Variants in COMT observed in about 807,000 individuals in gnomAD.
COMT encodes the protein catechol O-methyltransferase.
A neutral mutation model predicts 18.9 loss-of-function variants in COMT; 13 were observed. That is an observed-to-expected ratio of 0.69 (90% CI 0.45 to 1.09). The LOEUF (loss-of-function observed/expected upper bound fraction) is 1.09, where lower values mean the gene tolerates loss of function less well. Among genes scored for constraint, COMT ranks in the 50% least tolerant of loss-of-function variants. The pLI, the probability that COMT is intolerant of heterozygous loss-of-function variation, is 0.00. For synonymous variants in COMT, 150 were observed against 160.9 expected (o/e 0.93, Z 0.51); for missense variants, 329 against 361.8 (o/e 0.91, Z 0.73).
intron 1 of COMT, among the ~76,000 whole-genome samples, chr22:19,958,996 A>T (rs1369310155): frequency 1.3e-5 from 2 of 152,164 alleles, no homozygotes; most frequent in Non-Finnish European, 2.9e-5. Context: ...GGGGCATTCA[A>T]AACTGTCTTT....
intron 4 of COMT, 49 bp from the exon 5 acceptor site, chr22:19,964,119 G>C (rs376721753): frequency 6.2e-7 from 1 of 1,613,802 alleles, no homozygotes; most frequent in Non-Finnish European, 8.5e-7. Flanking sequence ...GGTGTGTAGG[G>C]ATGGCCTCCT....
chr22:19,964,897 C>A (rs186688131), intron 5 of COMT: 95 of 222,002 alleles, frequency 4.3e-4, no homozygotes, highest in African/African-American at 1.8e-3. Flanking sequence ...GACACACTGC[C>A]CCATCCCTCC....
chr22:19,967,411 A>G (rs1428310921), intron 5 of COMT: 2 of 472,026 alleles, frequency 4.2e-6, no homozygotes, highest in Non-Finnish European at 8.7e-6. Context: ...TTTTTTCTAA[A>G]TGAAAACACA....
rs1429174414 is a variant in COMT, at chr22:19,941,793, A to G, written c.-196A>G. 9 of 1,528,764 alleles carry G rather than the reference A, an allele frequency of 5.9e-6. No homozygotes were observed. The highest frequency in any genetic ancestry group is 2.6e-5 in the East Asian group (1 of 37,740). 94.7% of individuals were successfully genotyped at this position (1,528,764 alleles called of 1,614,324 possible). Reference sequence around the variant, plus strand: ...TCCTAATCCCCGCAGCGCCACCGCCATTGCCGCCATCGTCGTGGGGCTTCT... The same window carrying G: ...TCCTAATCCCCGCAGCGCCACCGCCGTTGCCGCCATCGTCGTGGGGCTTCT... On this transcript the variant is annotated 5_prime_UTR_variant, in exon 1 of 6. Coordinates refer to ENST00000361682, the MANE Select transcript of COMT (RefSeq NM_000754.4).
At chr22:19,946,910 G>GTTTTTTTTTTTTTTTTTTTTTTTTTTT (rs35689277) in intron 1 of COMT, among the ~76,000 whole-genome samples, 2 of 117,120 alleles carry the variant, frequency 1.7e-5, no homozygotes, top group Non-Finnish European at 1.7e-5. Flanking sequence ...TTTTTTTTTA[G>GTTTTTTTTTTTTTTTTTTTTTTTTTTT]TTTTTTTTTT....
rs757861911 is a variant in COMT at position 19,963,665 on chromosome 22, T to G, written c.389T>G (p.Leu130Arg). 1 of 1,612,916 alleles carries G rather than the reference T, an allele frequency of 6.2e-7. No homozygotes were observed. The highest frequency in any genetic ancestry group is 1.1e-5 in the South Asian group (1 of 91,090). The change falls in exon 4 of 6, where the codon CTG becomes CGG. Residue 130 changes from leucine (L) to arginine (R), a missense_variant. Physicochemically the swap from Leu to Arg is moderately radical, Grantham distance 102. Transcript: ENST00000361682. ...GYSAVRMARL[L>R]SPGARLITIE... ...TCAGCTGTGCGCATGGCCCGCCTGC[T>G]GTCACCAGGGGCGAGGCTCATCACC...
At position 19,964,238 on chromosome 22, in the gene COMT, T is replaced by C. The variant is rs777226221; in HGVS notation, c.554T>C (p.Leu185Pro). The C allele has an allele frequency of 8.1e-6, 13 of 1,614,002 alleles. No homozygotes were observed. The highest frequency in any genetic ancestry group is 1.1e-5 in the Non-Finnish European group (13 of 1,180,038). Residue 185 changes from leucine (L) to proline (P), a missense_variant, in exon 5 of 6, where the codon CTG becomes CCG. Physicochemically the swap from Leu to Pro is moderately conservative, Grantham distance 98 (BLOSUM62 -3). Transcript: ENST00000361682. ...QLKKKYDVDT[L>P]DMVFLDHWKD... is the part of the protein sequence containing the mutation. ...AAGAAGAAGTATGATGTGGACACAC[T>C]GGACATGGTCTTCCTCGACCACTGG...
intron 1 of COMT, among the ~76,000 whole-genome samples, chr22:19,952,953 AAAATAAATAAATAAAT>A (rs368190455): frequency 0.051 from 7,118 of 139,622 alleles, 450 homozygotes; most frequent in African/African-American, 0.15. Context: ...CCCGTCTCAA[AAAATAAATAAATAAAT>A]AAATAAATAA....
rs772965142 is a variant in COMT, at chr22:19,964,215, G to A, written c.531G>A (p.Lys177=). 2.5e-6 allele frequency: 4 copies of A among 1,614,144 alleles called. No homozygotes were observed. Among genetic ancestry groups the A allele is most frequent in the Non-Finnish European group, 2.5e-6 (3 of 1,180,014 alleles). ...GASQDIIPQL[K]KKYDVDTLDM... ...CCCAGGACATCATCCCCCAGCTGAA[G>A]AAGAAGTATGATGTGGACACACTGG... Residue 177 remains lysine (K), a synonymous_variant, in exon 5 of 6, where the codon AAG becomes AAA. Transcript: ENST00000361682.
intron 4 of COMT, 194 bp from the exon 5 acceptor site, chr22:19,963,974 G>GC: frequency 8.1e-7 from 1 of 1,237,988 alleles, no homozygotes; most frequent in South Asian, 1.3e-5. Flanking sequence ...TGCCAAGGTG[G>GC]CACCAGGAGG....
rs566681525 is a variant in COMT, at chr22:19,963,607, G to A, written c.331G>A (p.Val111Met). Residue 111 changes from valine (V) to methionine (M), a missense_variant, in exon 4 of 6, where the codon GTG (valine) becomes ATG (methionine). Physicochemically the swap from Val to Met is conservative, Grantham distance 21. Transcript: ENST00000361682. ...DAVIQEHQPS[V>M]LLELGAYCGY... ...CGTGATTCAGGAGCACCAGCCCTCC[G>A]TGCTGCTGGAGCTGGGGGCCTACTG... 148 of 1,612,950 alleles carry A rather than the reference G, an allele frequency of 9.2e-5. No homozygotes were observed. Among genetic ancestry groups the A allele is most frequent in the East Asian group, 6.7e-5 (3 of 44,874 alleles).
Position 19,941,877 on chromosome 22 carries a change from G to T in COMT, c.-112G>T. 2.2e-6 allele frequency: 3 copies of T among 1,387,344 alleles called. No homozygotes were observed. Among genetic ancestry groups the T allele is most frequent in the South Asian group, 1.6e-5 (1 of 63,674 alleles). The allele number at this position is 1,387,344 out of a possible 1,614,324, so 85.9% of individuals were successfully genotyped here. On this transcript the variant is annotated 5_prime_UTR_variant, in exon 1 of 6. Transcript: ENST00000361682. The stretch of plus-strand genomic sequence containing the variant: ...GCCGGACCGGGGCGGGTCCAGTCCC[G>T]GGCGGGCCGTCGCGGGAGAGGTGAG...
chr22:19,959,280 A>G (rs1942135299), intron 1 of COMT, among the ~76,000 whole-genome samples: 1 of 152,240 alleles, frequency 6.6e-6, no homozygotes, highest in Non-Finnish European at 1.5e-5. Context: ...TCGGCTTTTC[A>G]GGACCCGCCC....
rs1318512993 is a variant in COMT at position 19,968,582 on chromosome 22, T to A, written c.662T>A (p.Val221Glu). 6.2e-7 allele frequency: 1 copy of A among 1,613,856 alleles called. No homozygotes were observed. Among genetic ancestry groups the A allele is most frequent in the African/African-American group, 1.3e-5 (1 of 74,894 alleles). ...GGGACAGTGCTACTGGCTGACAACG[T>A]GATCTGCCCAGGTGCGCCAGACTTC... is the stretch of plus-strand genomic sequence containing the variant. ...RKGTVLLADN[V>E]ICPGAPDFLA... Residue 221 changes from valine (V) to glutamate (E), a missense_variant, in exon 6 of 6, where the codon GTG becomes GAG. Physicochemically the swap from Val to Glu is moderately radical, Grantham distance 121 (BLOSUM62 -2). Transcript: ENST00000361682.
chr22:19,966,853 G>T, intron 5 of COMT: 1 of 784,558 alleles, frequency 1.3e-6, no homozygotes, highest in Non-Finnish European at 1.5e-6. Flanking sequence ...CTCTTGAAGG[G>T]AGGAGAGTCT....
intron 1 of COMT, among the ~76,000 whole-genome samples, chr22:19,956,137 C>CCTTTTTTTTTTTTTTTTTTTTT: frequency 1.2e-5 from 1 of 84,816 alleles, no homozygotes; most frequent in Non-Finnish European, 2.1e-5. Flanking sequence ...TTCTTTTTTT[C>CCTTTTTTTTTTTTTTTTTTTTT]TTTTTTTTTT....
rs754436726 is a variant in COMT, at chr22:19,964,142, G to A, written c.484-26G>A. On this transcript the variant is annotated intron_variant, in intron 4 of 5. Transcript: ENST00000361682. ...GGGATGGCCTCCTGTCTGTGAGGAC[G>A]TGGGCACTGACAGGCGCTGTTCCAG... 4.0e-5 allele frequency: 64 copies of A among 1,613,862 alleles called. No homozygotes were observed. The highest frequency in any genetic ancestry group is 1.6e-4 in the Middle Eastern group (1 of 6,084).
rs890039110 is a variant in COMT, at chr22:19,959,279, C to T, written c.-91-1920C>T. Among the ~76,000 whole-genome samples, 9 of 152,248 alleles carry T rather than the reference C, an allele frequency of 5.9e-5. 1 individual carries two copies. The South Asian group carries it at 6.2e-4, about 10-fold the overall frequency. On this transcript the variant is annotated intron_variant, in intron 1 of 5. Coordinates refer to ENST00000361682, the MANE Select transcript of COMT (RefSeq NM_000754.4). ...AAGGGAGGCCTGATTCTCGGCTTTTCAGGACCCGCCCTCCATTTTCTCACT... is the reference window on the plus strand; with the variant it reads ...AAGGGAGGCCTGATTCTCGGCTTTTTAGGACCCGCCCTCCATTTTCTCACT...
chr22:19,963,905 T>C, intron 4 of COMT, 146 bp downstream of exon 4: 1 of 1,234,018 alleles, frequency 8.1e-7, no homozygotes, highest in South Asian at 1.3e-5. Context: ...CTTCCCAGCC[T>C]GGGGCTGAGG....
Sources: gnomAD v4.1 joint callset for allele counts (sites outside exome capture counted in the v4.1 genomes callset) on GRCh38, gnomAD v4.1.1 for gene constraint, MANE v1.5 for transcripts, NCBI Gene and HGNC (gene_info 2026-07-23, HGNC 2026-07-21) for gene names.